The following SIRT3 variants were observed in gnomAD, a reference collection of about 807,000 sequenced individuals.
SIRT3 encodes the protein sirtuin 3.
SIRT3 carries 26 observed loss-of-function variants against 33.5 expected under a neutral mutation model. That is an observed-to-expected ratio of 0.78 (90% CI 0.57 to 1.08). SIRT3 has a LOEUF of 1.08. Among genes scored for constraint, SIRT3 ranks in the 50% least tolerant of loss-of-function variants. The probability of loss-of-function intolerance (pLI) is 0.00; values close to 1 mark genes in which losing one functional copy is unlikely to be tolerated. For missense variants in SIRT3, 585 were observed against 530.1 expected, an observed-to-expected ratio of 1.10 and a Z score of -1.02; for synonymous variants, 237 against 222.1, an observed-to-expected ratio of 1.07 and a Z score of -0.60.
chr11:236,463 C>T, upstream of SIRT3: 1 of 495,746 alleles, frequency 2.0e-6, no homozygotes, highest in Non-Finnish European at 2.6e-6. Context: ...GCCCCGGTCC[C>T]GCCTCCGCGC....
At chr11:226,593 G>A (rs916416922) in intron 4 of SIRT3, among the ~76,000 whole-genome samples, 3 of 151,248 alleles carry the variant, frequency 2.0e-5, no homozygotes, top group African/African-American at 7.3e-5. Flanking sequence ...ATTTTTAGTA[G>A]AGACGGGGTT....
intron 6 of SIRT3, among the ~76,000 whole-genome samples, chr11:217,687 C>T (rs772712624): frequency 2.6e-5 from 4 of 152,236 alleles, no homozygotes; most frequent in Non-Finnish European, 5.9e-5. Flanking sequence ...AGAGTGCTGA[C>T]CCCATGGCCC....
chr11:218,671 G>A, intron 6 of SIRT3, 161 bp downstream of exon 6: 1 of 1,322,418 alleles, frequency 7.6e-7, no homozygotes, highest in Non-Finnish European at 1.0e-6. Context: ...GGTATTGAAA[G>A]TAACACCCAG....
intron 6 of SIRT3, among the ~76,000 whole-genome samples, chr11:217,548 G>A (rs890340181): frequency 6.6e-6 from 1 of 152,270 alleles, no homozygotes; most frequent in African/African-American, 2.4e-5. Context: ...CTGGCCAGGA[G>A]GCACTCGCCT....
chr11:217,594 T>C (rs1855832045), intron 6 of SIRT3, among the ~76,000 whole-genome samples: 1 of 152,256 alleles, frequency 6.6e-6, no homozygotes, highest in Non-Finnish European at 1.5e-5. Context: ...CTGGGTTCCC[T>C]GCCTCCATAA....
intron 1 of SIRT3, among the ~76,000 whole-genome samples, chr11:235,355 G>A (rs1333737120): frequency 2.0e-5 from 3 of 152,082 alleles, no homozygotes; most frequent in African/African-American, 4.8e-5. Context: ...ACAGGCTTGC[G>A]CCACCATGCC....
rs759893035 is a variant in SIRT3 at position 233,694 on chromosome 11, T to C, written c.282-160A>G. The C allele has an allele frequency of 8.4e-4, 565 of 670,430 alleles. 1 individual carries two copies. The highest frequency in any genetic ancestry group is 1.2e-3 in the Non-Finnish European group (488 of 401,780). 41.5% of individuals were successfully genotyped at this position (670,430 alleles called of 1,614,324 possible). ...AATAATCACCTTTCTTAGACGACTA[T>C]TGGGGTACAACAAAAAGCAGTCATA... is the stretch of plus-strand genomic sequence containing the variant. On this transcript the variant is annotated intron_variant, in intron 1 of 6. Coordinates refer to ENST00000382743, the MANE Select transcript of SIRT3 (RefSeq NM_012239.6).
At chr11:217,892 G>T (rs1206376815) in intron 6 of SIRT3, among the ~76,000 whole-genome samples, 4 of 152,198 alleles carry the variant, frequency 2.6e-5, no homozygotes, top group African/African-American at 9.7e-5. Flanking sequence ...GGAAGTAACT[G>T]AATCATGGGG....
chr11:233,591 C>CA, intron 1 of SIRT3, 57 bp from the exon 2 acceptor site: 1 of 1,562,158 alleles, frequency 6.4e-7, no homozygotes, highest in Non-Finnish European at 8.8e-7. Context: ...CTCAGGATAG[C>CA]AAGAACGAGC....
At position 236,324 on chromosome 11, in the gene SIRT3, G is replaced by A. The variant is rs1409376174; in HGVS notation, c.5C>T (p.Ala2Val). 2.2e-5 allele frequency: 33 copies of A among 1,493,676 alleles called. No individual in the cohort carries two copies. Among genetic ancestry groups the A allele is most frequent in the East Asian group, 1.6e-4 (6 of 38,350 alleles). 92.5% of individuals were successfully genotyped at this position (1,493,676 alleles called of 1,614,324 possible). A position where few individuals can be genotyped will look rare whatever the true frequency, so the allele number is the denominator to read the frequency against. ...TGCCGCGGCGCGCCAACCCCAGAACGCCATGTTCCGCGCAGTCCAAGGAGT... is the reference window on the plus strand; with the variant it reads ...TGCCGCGGCGCGCCAACCCCAGAACACCATGTTCCGCGCAGTCCAAGGAGT... Reference protein sequence around the residue: MAFWGWRAAAAL... With the variant: MVFWGWRAAAAL... The change falls in exon 1 of 7, where the codon GCG becomes GTG. Residue 2 changes from alanine (A) to valine (V), a missense_variant. Transcript: ENST00000382743.
chr11:233,709 AAGC>A, intron 1 of SIRT3, 175 bp from the exon 2 acceptor site: 1 of 627,960 alleles, frequency 1.6e-6, no homozygotes. Context: ...GTACAACAAA[AAGC>A]AGTCATAAAT....
intron 6 of SIRT3, among the ~76,000 whole-genome samples, chr11:218,416 G>A (rs111371671): frequency 0.018 from 2,678 of 152,202 alleles, 56 homozygotes; most frequent in African/African-American, 0.048. Flanking sequence ...AATTACTTCC[G>A]AAAAGCATCA....
At chr11:233,612 C>A in intron 1 of SIRT3, 78 bp from the exon 2 acceptor site, 2 of 1,412,116 alleles carry the variant, frequency 1.4e-6, no homozygotes, top group East Asian at 4.6e-5. Context: ...ATGGCTCTGC[C>A]CTCTGCACCA....
chr11:236,711 C>A (rs1426499036), upstream of SIRT3: 1 of 407,376 alleles, frequency 2.5e-6, no homozygotes, highest in Non-Finnish European at 4.5e-6. Context: ...CAAAACACTA[C>A]TGGGAAGATC....
Position 233,502 on chromosome 11 carries a change from G to A in SIRT3, c.314C>T (p.Ser105Phe). Residue 105 changes from serine to phenylalanine, a missense_variant, in exon 2 of 7, where the codon TCT becomes TTT. Coordinates refer to ENST00000382743, the MANE Select transcript of SIRT3 (RefSeq NM_012239.6). ...IKGGRRSISF[S>F]VGASSVVGSG... ...TCCAACAACACTTGAAGCACCCACA[G>A]AAAAAGATATGGACCTTCTTCCACC... is the stretch of plus-strand genomic sequence containing the variant. 1 of 1,614,006 alleles carries A rather than the reference G, an allele frequency of 6.2e-7. No individual in the cohort carries two copies. Among genetic ancestry groups the A allele is most frequent in the Non-Finnish European group, 8.5e-7 (1 of 1,180,012 alleles).
upstream of SIRT3, chr11:236,910 G>A (rs1859241292): frequency 8.5e-6 from 6 of 709,844 alleles, no homozygotes; most frequent in Non-Finnish European, 1.5e-5. Context: ...GCAACCAGCG[G>A]GGCCCGCCCC....
At chr11:228,714 AGT>A (rs1857494615) in intron 4 of SIRT3, among the ~76,000 whole-genome samples, 6 of 141,636 alleles carry the variant, frequency 4.2e-5, no homozygotes, top group Non-Finnish European at 6.5e-5. Flanking sequence ...ATTCCAAAAG[AGT>A]GAGAAAATAA....
chr11:229,297 T>G (rs1590184611), intron 4 of SIRT3, among the ~76,000 whole-genome samples: 2 of 126,196 alleles, frequency 1.6e-5, no homozygotes, highest in African/African-American at 6.3e-5. Context: ...ATACAAAAAT[T>G]AGCCGGGCGT....
intron 4 of SIRT3, among the ~76,000 whole-genome samples, chr11:228,892 C>T (rs1857521945): frequency 6.6e-6 from 1 of 152,132 alleles, no homozygotes; most frequent in African/African-American, 2.4e-5. Context: ...ATAAAAAAGA[C>T]AACACAATTA....
Sources: gnomAD v4.1 joint callset for allele counts (sites outside exome capture counted in the v4.1 genomes callset) on GRCh38, gnomAD v4.1.1 for gene constraint, MANE v1.5 for transcripts, NCBI Gene and HGNC (gene_info 2026-07-23, HGNC 2026-07-21) for gene names.